VWF: variants seen among roughly 807,000 people sequenced by gnomAD.
VWF encodes Factor VIII related antigen.
VWF carries 176 observed loss-of-function variants against 308.6 expected under a neutral mutation model. The observed-to-expected ratio is 0.57, with a 90% CI of 0.50 to 0.65. VWF has a LOEUF of 0.65. Ranked by LOEUF, VWF falls within the 30% of genes least tolerant of loss-of-function variation. VWF has a pLI of 0.00. For missense variants in VWF, 3,146 were observed against 3,648.2 expected (o/e 0.86, Z 3.55); for synonymous variants, 1,385 against 1,443.4 (o/e 0.96, Z 0.92).
At chr12:6,036,298 G>A (rs2136432055) in intron 19 of VWF, 90 bp downstream of exon 19, 6 of 1,137,854 alleles carry the variant, frequency 5.3e-6, no homozygotes, top group Non-Finnish European at 8.0e-6. Context: ...CAGGGGGCTG[G>A]AGGCAAGTGC....
At chr12:6,016,720 G>C (rs371462345) in intron 29 of VWF, 34 bp downstream of exon 29, 1 of 1,614,106 alleles carries the variant, frequency 6.2e-7, no homozygotes, top group Non-Finnish European at 8.5e-7. Context: ...GAGCCTCTTC[G>C]TCACCTGCTG....
At chr12:6,110,750 C>G (rs71582881) in intron 4 of VWF, 116 bp downstream of exon 4, 17,708 of 1,347,704 alleles carry the variant, frequency 0.013, 161 homozygotes, top group Non-Finnish European at 0.015. Flanking sequence ...CCCTGCTACT[C>G]ACTTCCTTGG....
intron 15 of VWF, among the ~76,000 whole-genome samples, chr12:6,055,516 G>T (rs1944566909): frequency 6.6e-6 from 1 of 152,080 alleles, no homozygotes; most frequent in African/African-American, 2.4e-5. Context: ...AGAGCTGGAG[G>T]AATGGGGAGG....
At chr12:5,987,222 C>A (rs1943689559) in intron 38 of VWF, among the ~76,000 whole-genome samples, 1 of 152,174 alleles carries the variant, frequency 6.6e-6, no homozygotes, top group East Asian at 1.9e-4. Flanking sequence ...GCCACTATGC[C>A]CGGCCCAAAT....
At chr12:6,050,509 C>T (rs995092383) in intron 16 of VWF, among the ~76,000 whole-genome samples, 13 of 152,216 alleles carry the variant, frequency 8.5e-5, no homozygotes, top group Non-Finnish European at 1.9e-4. Context: ...AGCATCAGTG[C>T]TCACCCCCTC....
At chr12:5,955,107 T>TA (rs140939660) in intron 47 of VWF, among the ~76,000 whole-genome samples, 11,445 of 151,682 alleles carry the variant, frequency 0.075, 518 homozygotes, top group African/African-American at 0.12. Context: ...TAATACACAG[T>TA]AAAAAAAAAT....
Position 5,991,877 on chromosome 12 carries a change from C to G in VWF, c.6740G>C (p.Ser2247Thr). The change falls in exon 38 of 52, where the codon AGC becomes ACC. Residue 2247 changes from serine to threonine, a missense_variant. Coordinates refer to ENST00000261405, the MANE Select transcript of VWF (RefSeq NM_000552.5). ...AGTGCAGGCCTCTTCAGGGACACAG[C>G]TGCCTTCCAACATGACTTTATCTGG... is the stretch of plus-strand genomic sequence containing the variant. ...CPPDKVMLEGSCVPEEACTQC... is the reference protein window; with the variant it reads ...CPPDKVMLEGTCVPEEACTQC... 1.9e-6 allele frequency: 3 copies of G among 1,614,252 alleles called. No homozygotes were observed. The highest frequency in any genetic ancestry group is 2.5e-6 in the Non-Finnish European group (3 of 1,180,050).
At chr12:5,978,625 T>G (rs776260622) in intron 42 of VWF, among the ~76,000 whole-genome samples, 8 of 152,182 alleles carry the variant, frequency 5.3e-5, no homozygotes, top group Non-Finnish European at 1.2e-4. Context: ...ATTTTCAACT[T>G]AGAAGAGAAA....
At chr12:6,112,827 G>C (rs903964707) in intron 3 of VWF, among the ~76,000 whole-genome samples, 1 of 145,152 alleles carries the variant, frequency 6.9e-6, no homozygotes, top group African/African-American at 2.5e-5. Context: ...CAGACACACA[G>C]ACACACACAC....
intron 6 of VWF, among the ~76,000 whole-genome samples, chr12:6,092,606 T>TGAGAGTGAGAGTGAGAGTGAGAGTGA (rs1555073673): frequency 4.2e-5 from 2 of 47,558 alleles, no homozygotes; most frequent in African/African-American, 2.7e-4. Flanking sequence ...AGCTAGTTAG[T>TGAGAGTGAGAGTGAGAGTGAGAGTGA]GAGTGAGTGA....
In VWF at chr12:6,091,328, TTCTG is replaced by T. The variant is rs577052113; in HGVS notation, c.657+4128_657+4131del. 1.2e-4 allele frequency among the ~76,000 whole-genome samples: 18 copies of T among 152,154 alleles called. No individual in the cohort carries two copies. The South Asian group carries it at 3.7e-3, about 32-fold the overall frequency. On this transcript the variant is annotated intron_variant, in intron 6 of 51. Transcript: ENST00000261405. Reference sequence around the variant, plus strand: ...GAGATGTGGGTGTGTTTTATTTTGTTTCTGGAATAGGAGAGGGCTGGGTTTCTCT... The same window carrying T: ...GAGATGTGGGTGTGTTTTATTTTGTTGAATAGGAGAGGGCTGGGTTTCTCT...
At chr12:6,065,015 A>G in intron 11 of VWF, 122 bp downstream of exon 11, 13 of 1,434,528 alleles carry the variant, frequency 9.1e-6, no homozygotes, top group Non-Finnish European at 1.2e-5. Flanking sequence ...GAAGTCTGGA[A>G]GAGACCTCCC....
chr12:6,064,464 G>A (rs75455355), intron 11 of VWF, 80 bp from the exon 12 acceptor site: 1 of 1,585,876 alleles, frequency 6.3e-7, no homozygotes, highest in Non-Finnish European at 8.6e-7. Context: ...CTTAATCAGA[G>A]AAAGGCCTCA....
intron 35 of VWF, 107 bp from the exon 36 acceptor site, chr12:5,994,714 A>T: frequency 1.1e-6 from 1 of 943,082 alleles, no homozygotes; most frequent in South Asian, 1.4e-5. Context: ...CAACTGCAAC[A>T]TCAGCCACAA....
At chr12:5,988,910 G>A (rs1943708614) in intron 38 of VWF, among the ~76,000 whole-genome samples, 1 of 152,178 alleles carries the variant, frequency 6.6e-6, no homozygotes, top group South Asian at 2.1e-4. Context: ...GGCCTGCAGA[G>A]AATAAGGTGG....
chr12:6,033,718 T>C (rs1468063063), intron 20 of VWF, among the ~76,000 whole-genome samples: 3 of 152,158 alleles, frequency 2.0e-5, no homozygotes, highest in Non-Finnish European at 2.9e-5. Context: ...GAGGCTGCTG[T>C]TGGCTCCGCC....
In VWF at chr12:5,967,486, CA is replaced by C; in HGVS notation, c.7886del (p.Leu2629ArgfsTer25). On this transcript the variant is annotated frameshift_variant and splice_region_variant, in exon 47 of 52. Transcript: ENST00000261405. LOFTEE classifies it high-confidence loss of function. ...TCGGTCCCCATTGAGCCTCTCTTAC[CA>C]GGGGGCAGGGGTTGCAGGTGGTCTT... ...CRKTTCNPCP[L>X]GYKEENNTGE... The C allele has an allele frequency of 1.2e-6, 2 of 1,614,100 alleles. No individual in the cohort carries two copies. Among genetic ancestry groups the C allele is most frequent in the Non-Finnish European group, 1.7e-6 (2 of 1,179,976 alleles).
chr12:6,013,767 G>T, intron 31 of VWF, 122 bp from the exon 32 acceptor site: 2 of 1,089,492 alleles, frequency 1.8e-6, no homozygotes, highest in Non-Finnish European at 2.7e-6. Flanking sequence ...ACATACATCA[G>T]CCCTATGAGG....
At chr12:6,038,258 C>T (rs1417092260) in intron 18 of VWF, among the ~76,000 whole-genome samples, 2 of 152,224 alleles carry the variant, frequency 1.3e-5, no homozygotes, top group East Asian at 1.9e-4. Flanking sequence ...GGCCCACCAC[C>T]TAGTGGCTGC....
Sources: gnomAD v4.1 joint callset for allele counts (sites outside exome capture counted in the v4.1 genomes callset) on GRCh38, gnomAD v4.1.1 for gene constraint, MANE v1.5 for transcripts, NCBI Gene and HGNC (gene_info 2026-07-23, HGNC 2026-07-21) for gene names.